The following ZNF813 variants were observed in gnomAD, a reference collection of about 807,000 sequenced individuals.
The protein encoded by ZNF813 is zinc finger protein 813.
A neutral mutation model predicts 7.2 loss-of-function variants in ZNF813; 3 were observed. The ratio of observed to expected loss-of-function variants is 0.42; its 90% CI spans 0.19 to 1.08. ZNF813 has a LOEUF of 1.08. Among genes scored for constraint, ZNF813 ranks in the 50% least tolerant of loss-of-function variants. The probability of loss-of-function intolerance (pLI) is 0.30; values close to 1 mark genes in which losing one functional copy is unlikely to be tolerated. For synonymous variants in ZNF813, 227 were observed against 256.3 expected (o/e 0.89, Z 1.09); for missense variants, 714 against 753.3 (o/e 0.95, Z 0.61).
At chr19:53,470,888 G>A (rs1316263938) in intron 1 of ZNF813, among the ~76,000 whole-genome samples, 2 of 151,936 alleles carry the variant, frequency 1.3e-5, no homozygotes, top group African/African-American at 4.8e-5. Flanking sequence ...TTTGTGGCTT[G>A]CTGGGCCAGT....
At position 53,490,129 on chromosome 19, in the gene ZNF813, G is replaced by A. The variant is rs180946997; in HGVS notation, c.143-246G>A. Among the ~76,000 whole-genome samples the A allele has an allele frequency of 3.3e-5, 5 of 152,186 alleles. No homozygotes were observed. The East Asian group carries it at 9.6e-4, about 29-fold the overall frequency. On this transcript the variant is annotated intron_variant, in intron 3 of 3. Coordinates refer to ENST00000396403, the MANE Select transcript of ZNF813 (RefSeq NM_001004301.4). The stretch of plus-strand genomic sequence containing the variant: ...AGTGGAAAAATACTCCTTACTTTAG[G>A]CTTATACACATTTGTGCACTGTCAG...
At chr19:53,468,232 C>CT (rs1491189904) in intron 1 of ZNF813, among the ~76,000 whole-genome samples, 1 of 90,728 alleles carries the variant, frequency 1.1e-5, no homozygotes, top group African/African-American at 3.7e-5. Context: ...CCCCCCCCCC[C>CT]ACCTCCCTCC....
intron 1 of ZNF813, among the ~76,000 whole-genome samples, chr19:53,478,891 CTTT>C (rs202191313): frequency 1.5e-5 from 2 of 136,710 alleles, no homozygotes; most frequent in Non-Finnish European, 1.6e-5. Flanking sequence ...CTCTTCATTG[CTTT>C]TTTTTTTTTT....
chr19:53,492,197 A>C lies in ZNF813; in HGVS notation c.*111A>C. On this transcript the variant is annotated 3_prime_UTR_variant, in exon 4 of 4. Coordinates refer to ENST00000396403, the MANE Select transcript of ZNF813 (RefSeq NM_001004301.4). ...GTCCTTGTAATTCATAAGAATTCAT[A>C]CTGGAGAGAAACAAGTGTAATGAAC... 1 of 1,484,062 alleles carries C rather than the reference A, an allele frequency of 6.7e-7. No homozygotes were observed. The highest frequency in any genetic ancestry group is 1.3e-5 in the South Asian group (1 of 76,878). The allele number at this position is 1,484,062 out of a possible 1,614,324, so 91.9% of individuals were successfully genotyped here.
intron 1 of ZNF813, among the ~76,000 whole-genome samples, chr19:53,469,125 C>T (rs1013967330): frequency 2.0e-5 from 3 of 152,176 alleles, no homozygotes; most frequent in Non-Finnish European, 4.4e-5. Context: ...ACAAGGCACA[C>T]CCTGCACAGC....
intron 1 of ZNF813, among the ~76,000 whole-genome samples, chr19:53,477,637 A>G (rs1224890453): frequency 2.1e-5 from 3 of 141,406 alleles, no homozygotes; most frequent in African/African-American, 5.5e-5. Context: ...GCAACATAGT[A>G]AGACCCCCAT....
chr19:53,479,203 G>T (rs997381421), intron 1 of ZNF813: 2 of 713,158 alleles, frequency 2.8e-6, no homozygotes, highest in African/African-American at 3.5e-5. Flanking sequence ...CCAAAGTGCT[G>T]GGATTACAGG....
chr19:53,493,767 T>C lies in ZNF813; in HGVS notation c.*1681T>C, dbSNP rs2086474560. 1 of 152,210 alleles carries C rather than the reference T, an allele frequency of 6.6e-6. No individual in the cohort carries two copies. Among genetic ancestry groups the C allele is most frequent in the African/African-American group, 2.4e-5 (1 of 41,452 alleles). The allele number at this position is 152,210 out of a possible 1,614,324, so 9.4% of individuals were successfully genotyped here. A position where few individuals can be genotyped will look rare whatever the true frequency, so the allele number is the denominator to read the frequency against. ...TATAATTTTACTTCTTTCTTTCTGA[T>C]TTGGATGGGTTTGATTTCTTTTGCT... On this transcript the variant is annotated 3_prime_UTR_variant, in exon 4 of 4. Coordinates refer to ENST00000396403, the MANE Select transcript of ZNF813 (RefSeq NM_001004301.4).
chr19:53,492,166 A>C lies in ZNF813; in HGVS notation c.*80A>C. On this transcript the variant is annotated 3_prime_UTR_variant, in exon 4 of 4. Coordinates refer to ENST00000396403, the MANE Select transcript of ZNF813 (RefSeq NM_001004301.4). ...TGAGTGTGGCAAGACCTTCTGTCAC[A>C]ATTCAGTCCTTGTAATTCATAAGAA... The C allele has an allele frequency of 6.5e-7, 1 of 1,538,546 alleles. No homozygotes were observed. Among genetic ancestry groups the C allele is most frequent in the Non-Finnish European group, 8.8e-7 (1 of 1,138,820 alleles).
intron 1 of ZNF813, among the ~76,000 whole-genome samples, chr19:53,481,192 C>T (rs1362250447): frequency 1.3e-5 from 2 of 152,110 alleles, no homozygotes; most frequent in Non-Finnish European, 2.9e-5. Flanking sequence ...AGCAAGGAAG[C>T]AGCAAGTCTG....
At chr19:53,490,275 G>A in intron 3 of ZNF813, 100 bp from the exon 4 acceptor site, 2 of 1,327,342 alleles carry the variant, frequency 1.5e-6, no homozygotes, top group African/African-American at 1.7e-5. Flanking sequence ...ATCATGTTGG[G>A]GAAGTTTAAA....
chr19:53,483,810 A>C lies in ZNF813; in HGVS notation c.-13A>C, dbSNP rs1177294387. The C allele has an allele frequency of 3.1e-6, 5 of 1,613,440 alleles. No homozygotes were observed. The African/African-American group carries it at 4.0e-5, about 13-fold the overall frequency. On this transcript the variant is annotated 5_prime_UTR_variant, in exon 2 of 4. Coordinates refer to ENST00000396403, the MANE Select transcript of ZNF813 (RefSeq NM_001004301.4). The stretch of plus-strand genomic sequence containing the variant: ...AAACCTGGAAGAGGAAGAGGAAAGC[A>C]AAGGAGTCAGGGATGGCTCTTCCTC...
At chr19:53,477,581 T>C (rs888229835) in intron 1 of ZNF813, among the ~76,000 whole-genome samples, 3 of 152,180 alleles carry the variant, frequency 2.0e-5, no homozygotes, top group Non-Finnish European at 2.9e-5. Context: ...TTTTGGAGCC[T>C]GGGGCAAGGG....
chr19:53,483,954 C>G, intron 2 of ZNF813, 117 bp downstream of exon 2: 1 of 1,581,496 alleles, frequency 6.3e-7, no homozygotes, highest in Non-Finnish European at 8.7e-7. Context: ...TGCTCACATT[C>G]ACCCATGCCT....
At chr19:53,469,555 A>T (rs191242441) in intron 1 of ZNF813, among the ~76,000 whole-genome samples, 62 of 152,286 alleles carry the variant, frequency 4.1e-4, no homozygotes, top group East Asian at 3.1e-3. Flanking sequence ...AAGTGAAAAA[A>T]ATATATATAA....
intron 1 of ZNF813, among the ~76,000 whole-genome samples, chr19:53,475,946 C>G (rs1486819423): frequency 6.6e-6 from 1 of 152,118 alleles, no homozygotes; most frequent in Non-Finnish European, 1.5e-5. Flanking sequence ...CTCCTTTTCT[C>G]CTCTTTTTGT....
rs746696229 is a variant in ZNF813 at position 53,491,294 on chromosome 19, T to G, written c.1062T>G (p.Pro354=). ...CHRRLHTGEK[P]FKCNECGKTF... ...GTAGACTTCATACTGGAGAGAAACC[T>G]TTCAAGTGTAATGAGTGTGGCAAGA... The change falls in exon 4 of 4, where the codon CCT becomes CCG. Residue 354 remains proline, a synonymous_variant. Coordinates refer to ENST00000396403, the MANE Select transcript of ZNF813 (RefSeq NM_001004301.4). 25 of 1,613,928 alleles carry G rather than the reference T, an allele frequency of 1.5e-5. No homozygotes were observed. The highest frequency in any genetic ancestry group is 1.7e-5 in the Non-Finnish European group (20 of 1,179,990).
Position 53,495,452 on chromosome 19 carries a change from G to A in ZNF813, c.*3366G>A, listed in dbSNP as rs2086482986. On this transcript the variant is annotated 3_prime_UTR_variant, in exon 4 of 4. Coordinates refer to ENST00000396403, the MANE Select transcript of ZNF813 (RefSeq NM_001004301.4). Reference sequence around the variant, plus strand: ...TTGGCAAGGCTGGTCTTGAACTCCTGACCTCACGATCTGCCCACCTCAGCC... The same window carrying A: ...TTGGCAAGGCTGGTCTTGAACTCCTAACCTCACGATCTGCCCACCTCAGCC... 6.6e-6 allele frequency: 1 copy of A among 150,852 alleles called. No homozygotes were observed. Among genetic ancestry groups the A allele is most frequent in the African/African-American group, 2.4e-5 (1 of 40,824 alleles). The allele number at this position is 150,852 out of a possible 1,614,324, so 9.3% of individuals were successfully genotyped here.
chr19:53,492,279 G>T lies in ZNF813; in HGVS notation c.*193G>T. On this transcript the variant is annotated 3_prime_UTR_variant, in exon 4 of 4. Transcript: ENST00000396403. The stretch of plus-strand genomic sequence containing the variant: ...TCCACGTCATCATAGACTTCATAGT[G>T]GAGAGAAACCTTAGAAATGTGAAGC... 1 of 860,112 alleles carries T rather than the reference G, an allele frequency of 1.2e-6. No homozygotes were observed. 53.3% of individuals were successfully genotyped at this position (860,112 alleles called of 1,614,324 possible).
Sources: allele counts gnomAD v4.1 joint callset (sites outside exome capture counted in the v4.1 genomes callset), GRCh38; gene constraint gnomAD v4.1.1; transcripts MANE v1.5; gene names NCBI Gene and HGNC (gene_info 2026-07-23, HGNC 2026-07-21).